Variants in DHRSX observed in about 807,000 individuals in gnomAD.
The protein encoded by DHRSX is polyprenol dehydrogenase.
Under a neutral mutation model 34.0 loss-of-function variants are expected in DHRSX, and 31 were observed. The observed-to-expected ratio is 0.91, with a 90% CI of 0.69 to 1.23. DHRSX has a LOEUF of 1.23. Ranked by LOEUF, DHRSX falls within the 50% of genes most tolerant of loss-of-function variation. The probability of loss-of-function intolerance (pLI) is 0.00; values close to 1 mark genes in which losing one functional copy is unlikely to be tolerated. For synonymous variants in DHRSX, 201 were observed against 183.8 expected (o/e 1.09, Z -0.76); for missense variants, 414 against 428.1 (o/e 0.97, Z 0.29).
At chrX:2,236,009 G>A (rs1166606026) in intron 6 of DHRSX, among the ~76,000 whole-genome samples, 1 of 151,962 alleles carries the variant, frequency 6.6e-6, no homozygotes, top group African/African-American at 2.4e-5. Flanking sequence ...CTACTCGGGA[G>A]GCTGAGGCAG....
In DHRSX at chrX:2,491,066, G is replaced by GTTTT. The variant is rs900738620; in HGVS notation, c.109+9747_109+9750dup. 2.0e-3 allele frequency among the ~76,000 whole-genome samples: 222 copies of GTTTT among 110,190 alleles called. 10 individuals carry two copies. Among genetic ancestry groups the GTTTT allele is most frequent in the East Asian group, 6.6e-3 (25 of 3,782 alleles). The allele number at this position is 110,190 out of a possible 152,430, so 72.3% of individuals were successfully genotyped here. On this transcript the variant is annotated intron_variant, in intron 1 of 6. Coordinates refer to ENST00000334651, the MANE Select transcript of DHRSX (RefSeq NM_145177.3). ...GGGCTGTACCTGACAAGTGCCTTTAGTTTTTTTTTTTTTTTTTTTTTGAGA... is the reference window on the plus strand; with the variant it reads ...GGGCTGTACCTGACAAGTGCCTTTAGTTTTTTTTTTTTTTTTTTTTTTTTTGAGA...
chrX:2,359,432 C>G (rs185788340), intron 3 of DHRSX, among the ~76,000 whole-genome samples: 4 of 152,156 alleles, frequency 2.6e-5, no homozygotes, highest in African/African-American at 7.2e-5. Context: ...AATTCCAGCA[C>G]TTTGGGAGGC....
chrX:2,275,343 C>CAAAAAAAAAA (rs768710073), intron 4 of DHRSX, among the ~76,000 whole-genome samples: 3 of 127,318 alleles, frequency 2.4e-5, no homozygotes, highest in Non-Finnish European at 3.3e-5. Flanking sequence ...ACTAAAAATA[C>CAAAAAAAAAA]AAAAAAAAAA....
intron 2 of DHRSX, among the ~76,000 whole-genome samples, chrX:2,423,194 C>T (rs1486873660): frequency 1.3e-5 from 2 of 151,152 alleles, no homozygotes; most frequent in East Asian, 2.0e-4. Flanking sequence ...GGGCAGATCA[C>T]GTGAGGTCAG....
At chrX:2,362,630 T>G (rs1384992403) in intron 3 of DHRSX, among the ~76,000 whole-genome samples, 1 of 152,134 alleles carries the variant, frequency 6.6e-6, no homozygotes, top group Non-Finnish European at 1.5e-5. Flanking sequence ...TGAGCATAGG[T>G]GGAGGAGTTG....
At position 2,264,424 on chromosome X, in the gene DHRSX, G is replaced by A. The variant is rs180787134; in HGVS notation, c.596+2316C>T. 1.4e-3 allele frequency among the ~76,000 whole-genome samples: 216 copies of A among 151,420 alleles called. 1 individual carries two copies. Among genetic ancestry groups the A allele is most frequent in the African/African-American group, 5.0e-3 (205 of 41,148 alleles). ...ATGCCCAGAGCACCTGTGTCCAGCA[G>A]ACTCAGGGAGCACTGTGCCCAGAGC... On this transcript the variant is annotated intron_variant, in intron 5 of 6. Coordinates refer to ENST00000334651, the MANE Select transcript of DHRSX (RefSeq NM_145177.3).
intron 1 of DHRSX, among the ~76,000 whole-genome samples, chrX:2,485,977 A>G (rs1427613247): frequency 2.0e-5 from 3 of 150,936 alleles, no homozygotes; most frequent in Admixed American, 6.6e-5. Context: ...GGTTGGACGG[A>G]AGGAGGAGGG....
At chrX:2,300,842 C>G (rs943411060) in intron 3 of DHRSX, among the ~76,000 whole-genome samples, 4 of 152,016 alleles carry the variant, frequency 2.6e-5, no homozygotes, top group African/African-American at 9.7e-5. Context: ...CATCCCTCAC[C>G]CCCTATATCT....
At chrX:2,234,452 A>G (rs1475573813) in intron 6 of DHRSX, among the ~76,000 whole-genome samples, 3 of 152,132 alleles carry the variant, frequency 2.0e-5, no homozygotes, top group African/African-American at 7.2e-5. Context: ...ACACACATTC[A>G]GTACCTCCTT....
rs36151993 is a variant in DHRSX at position 2,284,271 on chromosome X, A to C, written c.388+7231T>G. Among the ~76,000 whole-genome samples, 1,289 of 149,192 alleles carry C rather than the reference A, an allele frequency of 8.6e-3. 15 individuals are homozygous for C. The highest frequency in any genetic ancestry group is 0.054 in the South Asian group (261 of 4,816). ...TAGAATTCATTCATTCCTTAGAATTAATTCATTTGAATTCATTTGTTCATT... is the reference window on the plus strand; with the variant it reads ...TAGAATTCATTCATTCCTTAGAATTCATTCATTTGAATTCATTTGTTCATT... On this transcript the variant is annotated intron_variant, in intron 4 of 6. Transcript: ENST00000334651.
chrX:2,405,614 T>C (rs1311087810), intron 3 of DHRSX, among the ~76,000 whole-genome samples: 2 of 151,676 alleles, frequency 1.3e-5, no homozygotes, highest in Admixed American at 6.6e-5. Flanking sequence ...AAGATGAACC[T>C]GGGCAACAAG....
At chrX:2,371,539 C>A (rs868816504) in intron 3 of DHRSX, among the ~76,000 whole-genome samples, 1 of 77,782 alleles carries the variant, frequency 1.3e-5, no homozygotes, top group Non-Finnish European at 4.5e-5. Flanking sequence ...TTACCATAGT[C>A]CGTCCTTCTG....
chrX:2,329,258 C>T (rs1351292718), intron 3 of DHRSX, among the ~76,000 whole-genome samples: 1 of 152,050 alleles, frequency 6.6e-6, no homozygotes, highest in Non-Finnish European at 1.5e-5. Context: ...TGACATCGGT[C>T]TACTCAAGGG....
At chrX:2,409,490 T>C (rs1301766815) in intron 2 of DHRSX, among the ~76,000 whole-genome samples, 3 of 152,094 alleles carry the variant, frequency 2.0e-5, no homozygotes, top group African/African-American at 7.2e-5. Context: ...GCGTTCTCAT[T>C]GTTCAACTCC....
intron 3 of DHRSX, among the ~76,000 whole-genome samples, chrX:2,320,707 T>C (rs1166984221): frequency 6.6e-6 from 1 of 150,542 alleles, no homozygotes; most frequent in Non-Finnish European, 1.5e-5. Flanking sequence ...CTTTTGACGT[T>C]TTCAAGTGTA....
At chrX:2,250,494 G>A (rs1228857128) in intron 5 of DHRSX, among the ~76,000 whole-genome samples, 2 of 152,094 alleles carry the variant, frequency 1.3e-5, no homozygotes, top group Admixed American at 6.6e-5. Flanking sequence ...TGAGTTTTCT[G>A]GGACAGGGGT....
chrX:2,472,908 A>G (rs28417770), intron 1 of DHRSX, among the ~76,000 whole-genome samples: 31,775 of 152,014 alleles, frequency 0.21, 4,501 homozygotes, highest in African/African-American at 0.4. Flanking sequence ...CGTTGCCAAC[A>G]TGAGTGTGAG....
At chrX:2,350,392 C>T (rs1343445992) in intron 3 of DHRSX, among the ~76,000 whole-genome samples, 3 of 152,050 alleles carry the variant, frequency 2.0e-5, no homozygotes, top group Admixed American at 1.3e-4. Flanking sequence ...CAATGGAATA[C>T]CACGCAGCCT....
chrX:2,451,838 A>G (rs189323475), intron 1 of DHRSX, among the ~76,000 whole-genome samples: 1,649 of 152,314 alleles, frequency 0.011, 13 homozygotes, highest in Middle Eastern at 0.051. Context: ...AATGCGGCCA[A>G]GGGACTGCTG....
Sources: allele counts gnomAD v4.1 joint callset (sites outside exome capture counted in the v4.1 genomes callset), GRCh38; gene constraint gnomAD v4.1.1; transcripts MANE v1.5; gene names NCBI Gene and HGNC (gene_info 2026-07-23, HGNC 2026-07-21).